The following MRC2 variants were observed in gnomAD, a reference collection of about 807,000 sequenced individuals.
The protein encoded by MRC2 is C-type mannose receptor 2.
Under a neutral mutation model 206.2 loss-of-function variants are expected in MRC2, and 84 were observed. That is an observed-to-expected ratio of 0.41 (90% CI 0.34 to 0.49). MRC2 has a LOEUF of 0.49. MRC2 is among the 20% of genes least tolerant of loss of function. The probability of loss-of-function intolerance (pLI) is 0.31; values close to 1 mark genes in which losing one functional copy is unlikely to be tolerated. For missense variants in MRC2, 1,676 were observed against 2,001.5 expected, an observed-to-expected ratio of 0.84 and a Z score of 3.10; for synonymous variants, 798 against 800.0, an observed-to-expected ratio of 1.00 and a Z score of 0.04.
At position 62,675,278 on chromosome 17, in the gene MRC2, C is replaced by T. The variant is rs2088876925; in HGVS notation, c.1570-512C>T. ...ACATACCACATCTGCTTCTCTTCTG[C>T]CTTGGCTCCTGCCAGCCTCGCCTGC... On this transcript the variant is annotated intron_variant, in intron 9 of 29. Coordinates refer to ENST00000303375, the MANE Select transcript of MRC2 (RefSeq NM_006039.5). The surrounding 1 kb of genome is among the most constrained non-coding windows in gnomAD (Gnocchi z 4.1). Among the ~76,000 whole-genome samples the T allele has an allele frequency of 6.6e-6, 1 of 152,124 alleles. No homozygotes were observed.
chr17:62,633,993 A>C (rs892467679), intron 1 of MRC2, among the ~76,000 whole-genome samples: 2 of 152,132 alleles, frequency 1.3e-5, no homozygotes, highest in Non-Finnish European at 2.9e-5. Context: ...AAGCAGGCTT[A>C]ATAGGAAAGT....
At chr17:62,655,812 C>A (rs554105652) in intron 1 of MRC2, among the ~76,000 whole-genome samples, 267 of 152,032 alleles carry the variant, frequency 1.8e-3, no homozygotes, top group Middle Eastern at 3.4e-3. Context: ...TCATTTCTAT[C>A]TATCACCTTC....
intron 1 of MRC2, among the ~76,000 whole-genome samples, chr17:62,655,857 A>T (rs1335882217): frequency 1.3e-5 from 2 of 151,956 alleles, no homozygotes; most frequent in Non-Finnish European, 2.9e-5. Context: ...TTTTCCATGG[A>T]TTGCTTCATG....
At chr17:62,651,450 G>C (rs1327318564) in intron 1 of MRC2, among the ~76,000 whole-genome samples, 5 of 152,216 alleles carry the variant, frequency 3.3e-5, no homozygotes, top group Admixed American at 3.3e-4. Context: ...GCCAGGGGCA[G>C]AGCCTGGGTC....
intron 20 of MRC2, among the ~76,000 whole-genome samples, chr17:62,686,507 A>G (rs1338598571): frequency 6.6e-6 from 1 of 152,096 alleles, no homozygotes; most frequent in Non-Finnish European, 1.5e-5. Context: ...TGCCCTGCTG[A>G]TCCAACAGGA....
intron 6 of MRC2, among the ~76,000 whole-genome samples, chr17:62,670,565 G>A (rs2088815385): frequency 6.6e-6 from 1 of 152,234 alleles, no homozygotes; most frequent in Admixed American, 6.5e-5. Context: ...GTGAAGTCCT[G>A]TTTTCTCTTG....
chr17:62,674,195 T>G lies in MRC2; in HGVS notation c.1569+25T>G, dbSNP rs201830054. ...GGTGAGGGTGTTTCTGGAGCTGCCC[T>G]GAGTGGGGCCACCTGTCAGAGGGGC... On this transcript the variant is annotated intron_variant, in intron 9 of 29. Transcript: ENST00000303375. 3.3e-4 allele frequency: 492 copies of G among 1,506,788 alleles called. 2 individuals carry two copies. In the African/African-American group the frequency reaches 5.8e-3, roughly 18 times the overall value. 93.3% of individuals were successfully genotyped at this position (1,506,788 alleles called of 1,614,324 possible). A position where few individuals can be genotyped will look rare whatever the true frequency, so the allele number is the denominator to read the frequency against.
chr17:62,656,637 C>G (rs543696238), intron 1 of MRC2, among the ~76,000 whole-genome samples: 183 of 152,204 alleles, frequency 1.2e-3, no homozygotes, highest in Non-Finnish European at 2.3e-3. Context: ...CTGACATGGC[C>G]TTGGTGCTGC....
chr17:62,637,643 C>T (rs1433129966), intron 1 of MRC2, among the ~76,000 whole-genome samples: 1 of 152,132 alleles, frequency 6.6e-6, no homozygotes, highest in Admixed American at 6.6e-5. Context: ...TACTGCCCAA[C>T]CCGGACTCTG....
At chr17:62,663,656 G>T (rs1481901199) in intron 1 of MRC2, among the ~76,000 whole-genome samples, 2 of 152,150 alleles carry the variant, frequency 1.3e-5, no homozygotes. Flanking sequence ...AAAGAGGAAA[G>T]GTTGAGGAAG....
At position 62,692,203 on chromosome 17, in the gene MRC2, G is replaced by A. The variant is rs1444251356; in HGVS notation, c.4220-28G>A. 3.1e-6 allele frequency: 5 copies of A among 1,613,596 alleles called. No individual in the cohort carries two copies. The highest frequency in any genetic ancestry group is 3.4e-6 in the Non-Finnish European group (4 of 1,179,776). On this transcript the variant is annotated intron_variant, in intron 29 of 29. Coordinates refer to ENST00000303375, the MANE Select transcript of MRC2 (RefSeq NM_006039.5). The surrounding 1 kb of genome is among the most constrained non-coding windows in gnomAD (Gnocchi z 4.2). ...GCACTGCTGGGCCTAACGCCCACTT[G>A]GCCTTTCACGCCCACTCGCCTTGGC...
Position 62,677,309 on chromosome 17 carries a change from C to A in MRC2, c.1875C>A (p.Ser625Arg), listed in dbSNP as rs775942017. Residue 625 changes from serine (S) to arginine (R), a missense_variant, in exon 12 of 30, where the codon AGC becomes AGA. Physicochemically the swap from Ser to Arg is moderately radical, Grantham distance 110. Around this residue, in one of 3 missense-constraint regions of MRC2, gnomAD observed 1,354 missense variants for 1,636.6 expected, o/e 0.83. Coordinates refer to ENST00000303375, the MANE Select transcript of MRC2 (RefSeq NM_006039.5). ...GCTGCGTGGCGCTGGCCACTGGCAG[C>A]GCCATGGGGCTGTGGGAGGTGAAGA... ...RGGCVALATG[S>R]AMGLWEVKNC... The A allele has an allele frequency of 6.2e-7, 1 of 1,605,778 alleles. No individual in the cohort carries two copies. The highest frequency in any genetic ancestry group is 1.7e-5 in the Admixed American group (1 of 58,808).
chr17:62,655,721 TAAA>T (rs71155946), intron 1 of MRC2, among the ~76,000 whole-genome samples: 11 of 126,142 alleles, frequency 8.7e-5, no homozygotes, highest in Admixed American at 8.2e-5. Flanking sequence ...TCTGTCTCTT[TAAA>T]AAAAAAAAAA....
rs775918507 is a variant in MRC2, at chr17:62,674,587, C to T, written c.1569+417C>T. 1.3e-5 allele frequency among the ~76,000 whole-genome samples: 2 copies of T among 152,158 alleles called. 1 individual carries two copies. Among genetic ancestry groups the T allele is most frequent in the Admixed American group, 1.3e-4 (2 of 15,280 alleles). ...CCCTCCTCTGCCGTCTGACACAGGG[C>T]GTGTGCTGGTCTGTCTCCCCTGGAG... On this transcript the variant is annotated intron_variant, in intron 9 of 29. Coordinates refer to ENST00000303375, the MANE Select transcript of MRC2 (RefSeq NM_006039.5).
Position 62,681,866 on chromosome 17 carries a change from T to A in MRC2, c.2732T>A (p.Ile911Asn). 1 of 1,613,834 alleles carries A rather than the reference T, an allele frequency of 6.2e-7. No individual in the cohort carries two copies. The highest frequency in any genetic ancestry group is 8.5e-7 in the Non-Finnish European group (1 of 1,179,946). ...RWTDGSIINFISWAPGKPRPV... is the reference protein window; with the variant it reads ...RWTDGSIINFNSWAPGKPRPV... ...ACAGATGGTTCCATTATAAACTTCATCTCCTGGGCACCAGGCAAACCTCGG... is the reference window on the plus strand; with the variant it reads ...ACAGATGGTTCCATTATAAACTTCAACTCCTGGGCACCAGGCAAACCTCGG... Residue 911 changes from isoleucine (I) to asparagine (N), a missense_variant, in exon 19 of 30, where the codon ATC (isoleucine) becomes AAC (asparagine). By Grantham distance (149) the Ile-to-Asn change is moderately radical. Coordinates refer to ENST00000303375, the MANE Select transcript of MRC2 (RefSeq NM_006039.5).
chr17:62,681,010 G>A (rs1439010822), intron 17 of MRC2, 50 bp downstream of exon 17: 2 of 1,612,066 alleles, frequency 1.2e-6, no homozygotes, highest in African/African-American at 1.3e-5. Flanking sequence ...GGGCAGGCCC[G>A]GGATGAGGGC....
At chr17:62,651,958 G>C (rs901868518) in intron 1 of MRC2, among the ~76,000 whole-genome samples, 14 of 152,160 alleles carry the variant, frequency 9.2e-5, no homozygotes, top group African/African-American at 3.4e-4. Flanking sequence ...TTGTTTGTGG[G>C]GGGGTATCTA....
At chr17:62,630,355 G>A (rs1047304638) in intron 1 of MRC2, among the ~76,000 whole-genome samples, 9 of 152,180 alleles carry the variant, frequency 5.9e-5, no homozygotes, top group African/African-American at 1.9e-4. Flanking sequence ...GCTAAGAGGG[G>A]TCTGATCATT....
chr17:62,674,240 G>GACCACC lies in MRC2; in HGVS notation c.1569+70_1569+71insACCACC. 8 of 1,153,348 alleles carry GACCACC rather than the reference G, an allele frequency of 6.9e-6. No individual in the cohort carries two copies. The Admixed American group carries it at 7.9e-5, about 11-fold the overall frequency. The allele number at this position is 1,153,348 out of a possible 1,614,324, so 71.4% of individuals were successfully genotyped here. ...AGGGGCTACCAGGGGAGGGAGAGGT[G>GACCACC]GATGAACTCCTGCTGCCTCGCATGG... On this transcript the variant is annotated intron_variant, in intron 9 of 29. Coordinates refer to ENST00000303375, the MANE Select transcript of MRC2 (RefSeq NM_006039.5).
Sources: gnomAD v4.1 joint callset for allele counts (sites outside exome capture counted in the v4.1 genomes callset) on GRCh38, gnomAD v4.1.1 for gene constraint, gnomAD v4.1.1 regional missense constraint, Gnocchi (gnomAD v3.1) non-coding constraint, MANE v1.5 for transcripts, NCBI Gene and HGNC (gene_info 2026-07-23, HGNC 2026-07-21) for gene names.